The following NAV2 variants were observed in gnomAD, a reference collection of about 807,000 sequenced individuals.
NAV2 encodes the protein neuron navigator 2, also known as helicase, APC down-regulated 1.
In NAV2, 54 loss-of-function variants were observed where a neutral mutation model predicts 223.2. That is an observed-to-expected ratio of 0.24 (90% confidence interval 0.19 to 0.30). The LOEUF (loss-of-function observed/expected upper bound fraction) is 0.30. Ranked by LOEUF, NAV2 falls within the 10% of genes least tolerant of loss-of-function variation. The probability of loss-of-function intolerance (pLI) is 1.00; values close to 1 mark genes in which losing one functional copy is unlikely to be tolerated. For missense variants in NAV2, 2,806 were observed against 3,147.5 expected, an observed-to-expected ratio of 0.89 and a Z score of 2.60; for synonymous variants, 1,279 against 1,239.3, an observed-to-expected ratio of 1.03 and a Z score of -0.67.
chr11:19,433,290 A>G (rs1851099433), intron 1 of NAV2, among the ~76,000 whole-genome samples: 1 of 152,180 alleles, frequency 6.6e-6, no homozygotes, highest in African/African-American at 2.4e-5. Context: ...GTGTTACTTC[A>G]TTAAGTGGTG....
chr11:19,704,856 C>G (rs1213534059), intron 1 of NAV2, among the ~76,000 whole-genome samples: 1 of 151,500 alleles, frequency 6.6e-6, no homozygotes, highest in African/African-American at 2.4e-5. Context: ...ACTAAAAATA[C>G]AAAAATTAGC....
rs1038338149 is a variant in NAV2 at position 20,105,867 on chromosome 11, C to T, written c.6841+140C>T. ...AAAGATAGAAAGTGGGGCAGAGGGA[C>T]AGTCACAGACCAGGTAGACCCCAAA... is the stretch of plus-strand genomic sequence containing the variant. On this transcript the variant is annotated intron_variant, in intron 35 of 37. Coordinates refer to ENST00000349880, the MANE Select transcript of NAV2 (RefSeq NM_145117.5). 1.9e-5 allele frequency: 13 copies of T among 681,188 alleles called. No homozygotes were observed. In the East Asian group the frequency reaches 3.6e-4, roughly 19 times the overall value. 42.2% of individuals were successfully genotyped at this position (681,188 alleles called of 1,614,324 possible).
intron 1 of NAV2, among the ~76,000 whole-genome samples, chr11:19,499,232 A>C (rs940412545): frequency 6.6e-6 from 1 of 152,234 alleles, no homozygotes; most frequent in African/African-American, 2.4e-5. Flanking sequence ...AACCTCTTTG[A>C]AGGTACTATA....
At chr11:19,781,429 A>G (rs189532467) in intron 1 of NAV2, among the ~76,000 whole-genome samples, 3 of 152,280 alleles carry the variant, frequency 2.0e-5, no homozygotes, top group Admixed American at 1.3e-4. Flanking sequence ...GGGTTGGGTC[A>G]TCACCCTTCA....
At chr11:20,029,615 C>T (rs751304133) in intron 11 of NAV2, among the ~76,000 whole-genome samples, 19 of 152,218 alleles carry the variant, frequency 1.2e-4, no homozygotes, top group Non-Finnish European at 2.4e-4. Context: ...ACTCTGAATT[C>T]TCACTGTATC....
At chr11:19,721,065 G>A (rs2050710466) in intron 1 of NAV2, among the ~76,000 whole-genome samples, 1 of 152,220 alleles carries the variant, frequency 6.6e-6, no homozygotes, top group African/African-American at 2.4e-5. Flanking sequence ...TTTCCAAGGA[G>A]CACAGCTGGT....
chr11:19,478,262 G>A (rs1321497044), intron 1 of NAV2, among the ~76,000 whole-genome samples: 1 of 152,056 alleles, frequency 6.6e-6, no homozygotes, highest in Non-Finnish European at 1.5e-5. Context: ...GGAGAAAATT[G>A]CACAAGCAAA....
intron 1 of NAV2, among the ~76,000 whole-genome samples, chr11:19,784,388 TAAAAAAAA>T (rs1162911472): frequency 2.0e-5 from 1 of 50,948 alleles, no homozygotes; most frequent in Non-Finnish European, 3.2e-5. Context: ...AGCTCCATCT[TAAAAAAAA>T]AAAAAAAAAA....
At chr11:19,382,846 A>C (rs2702698) in intron 1 of NAV2, among the ~76,000 whole-genome samples, 2 of 152,194 alleles carry the variant, frequency 1.3e-5, no homozygotes, top group Non-Finnish European at 2.9e-5. Flanking sequence ...TGACAGAGGC[A>C]GAACTTGAAC....
chr11:19,433,025 A>G (rs1851089906), intron 1 of NAV2, among the ~76,000 whole-genome samples: 1 of 152,184 alleles, frequency 6.6e-6, no homozygotes, highest in Non-Finnish European at 1.5e-5. Context: ...TTTTCACTGG[A>G]CATTGACAAG....
intron 11 of NAV2, among the ~76,000 whole-genome samples, chr11:19,997,550 C>T (rs2052027860): frequency 6.6e-6 from 1 of 152,146 alleles, no homozygotes; most frequent in African/African-American, 2.4e-5. Flanking sequence ...CCTAGGTACT[C>T]TACATACTAG....
intron 1 of NAV2, among the ~76,000 whole-genome samples, chr11:19,587,640 A>G (rs1005460889): frequency 1.3e-5 from 2 of 152,190 alleles, no homozygotes; most frequent in Non-Finnish European, 2.9e-5. Flanking sequence ...TTCATGGCTG[A>G]TGAACATTTT....
At chr11:19,768,834 G>T (rs999820804) in intron 1 of NAV2, among the ~76,000 whole-genome samples, 1 of 152,174 alleles carries the variant, frequency 6.6e-6, no homozygotes, top group Admixed American at 6.5e-5. Context: ...AAGGTTTATT[G>T]TGAGGACTGA....
intron 1 of NAV2, among the ~76,000 whole-genome samples, chr11:19,381,956 G>T (rs1461172102): frequency 6.6e-6 from 1 of 152,180 alleles, no homozygotes; most frequent in African/African-American, 2.4e-5. Flanking sequence ...TCTGGGCAGT[G>T]TGTCCTATGC....
intron 1 of NAV2, among the ~76,000 whole-genome samples, chr11:19,589,130 A>G (rs571427217): frequency 1.3e-5 from 2 of 152,362 alleles, no homozygotes; most frequent in Non-Finnish European, 2.9e-5. Flanking sequence ...CTCACAGTCT[A>G]GAGGGAGACA....
intron 12 of NAV2, among the ~76,000 whole-genome samples, chr11:20,042,862 C>T (rs1046648782): frequency 2.0e-5 from 3 of 152,138 alleles, no homozygotes; most frequent in Admixed American, 1.3e-4. Context: ...CTCCAACTGG[C>T]CTCAAACCCC....
intron 1 of NAV2, among the ~76,000 whole-genome samples, chr11:19,510,264 T>C (rs899278616): frequency 4.6e-5 from 7 of 152,236 alleles, no homozygotes; most frequent in Non-Finnish European, 1.0e-4. Flanking sequence ...TCATTAACCC[T>C]CACAGTTACA....
At chr11:20,070,614 A>G (rs954500871) in intron 22 of NAV2, among the ~76,000 whole-genome samples, 3 of 152,146 alleles carry the variant, frequency 2.0e-5, no homozygotes, top group African/African-American at 7.2e-5. Flanking sequence ...AAGGGTGAAC[A>G]TGTTTTATTG....
intron 10 of NAV2, among the ~76,000 whole-genome samples, chr11:19,971,512 C>T (rs538872445): frequency 1.4e-4 from 22 of 152,174 alleles, no homozygotes; most frequent in African/African-American, 4.1e-4. Flanking sequence ...GTGGGCCCCC[C>T]GGTAACACCC....
Sources: gnomAD v4.1 joint callset for allele counts (sites outside exome capture counted in the v4.1 genomes callset) on GRCh38, gnomAD v4.1.1 for gene constraint, MANE v1.5 for transcripts, NCBI Gene and HGNC (gene_info 2026-07-23, HGNC 2026-07-21) for gene names.